The following SOWAHB variants were observed in gnomAD, a reference collection of about 807,000 sequenced individuals.
SOWAHB encodes the protein sosondowah ankyrin repeat domain family member B.
A neutral mutation model predicts 18.3 loss-of-function variants in SOWAHB; 17 were observed. The ratio of observed to expected loss-of-function variants is 0.93; its 90% confidence interval spans 0.64 to 1.40. SOWAHB has a LOEUF of 1.40. SOWAHB is among the 40% of genes most tolerant of loss of function. The pLI is 0.00. For synonymous variants in SOWAHB, 496 were observed against 448.1 expected (o/e 1.11, Z -1.35); for missense variants, 1,126 against 1,033.7 (o/e 1.09, Z -1.22).
Position 76,895,773 on chromosome 4 carries a change from AC to A in SOWAHB, c.2076del (p.Arg692SerfsTer6). 1 of 1,614,182 alleles carries A rather than the reference AC, an allele frequency of 6.2e-7. No individual in the cohort carries two copies. The highest frequency in any genetic ancestry group is 8.5e-7 in the Non-Finnish European group (1 of 1,180,034). On this transcript the variant is annotated frameshift_variant, in exon 1 of 1. Transcript: ENST00000334306. LOFTEE classifies it high-confidence loss of function. ...TCCCTGACATTTACCCGAGAAGCCAACCTTTGCACTAGCAATTTGATGACCC... is the reference window on the plus strand; with the variant it reads ...TCCCTGACATTTACCCGAGAAGCCAACTTTGCACTAGCAATTTGATGACCC... ...HQGVIKLLVQ[R>X]LASRVNVRDS...
In SOWAHB at chr4:76,896,697, T is replaced by C. The variant is rs754688189; in HGVS notation, c.1153A>G (p.Ile385Val). ...TCTTGGAGGGACAGCTGACAACGAA[T>C]GCTGCGAAAGACAGTCAATGAAGGG... The part of the protein sequence containing the change: ...GNPSLTVFRS[I>V]RCQLSLQDLD... The change falls in exon 1 of 1, where the codon ATT becomes GTT. Residue 385 changes from isoleucine to valine, a missense_variant. Transcript: ENST00000334306. 1.9e-6 allele frequency: 3 copies of C among 1,613,892 alleles called. No homozygotes were observed. Among genetic ancestry groups the C allele is most frequent in the Admixed American group, 3.3e-5 (2 of 60,008 alleles).
chr4:76,897,395 T>A lies in SOWAHB; in HGVS notation c.455A>T (p.Asp152Val), dbSNP rs2703129. ...GCCCTTCCCGGGCGCCCTACGGGAG[T>A]CGCTGCCCGGGAGTCCATTGCAAGC... ...DAACNGLPGS[D>V]SRRAPGKGGG... Residue 152 changes from aspartate to valine, a missense_variant, in exon 1 of 1, where the codon GAC becomes GTC. By Grantham distance (152) the Asp-to-Val change is radical. Coordinates refer to ENST00000334306, the MANE Select transcript of SOWAHB (RefSeq NM_001029870.3). The surrounding 1 kb of genome is among the most constrained non-coding windows in gnomAD (Gnocchi z 6.4). 2.6e-6 allele frequency: 4 copies of A among 1,523,996 alleles called. No individual in the cohort carries two copies. The highest frequency in any genetic ancestry group is 3.5e-6 in the Non-Finnish European group (4 of 1,142,662). The allele number at this position is 1,523,996 out of a possible 1,614,324, so 94.4% of individuals were successfully genotyped here.
chr4:76,897,074 G>A lies in SOWAHB; in HGVS notation c.776C>T (p.Pro259Leu), dbSNP rs576706534. The A allele has an allele frequency of 6.5e-7, 1 of 1,538,160 alleles. No individual in the cohort carries two copies. Among genetic ancestry groups the A allele is most frequent in the East Asian group, 2.4e-5 (1 of 41,196 alleles). ...PAPVPAVAHS[P>L]PATVEAATSR... ...TGTCGCAGCCTCGACGGTGGCGGGAGGCGAGTGAGCCACTGCAGGCACAGG... is the reference window on the plus strand; with the variant it reads ...TGTCGCAGCCTCGACGGTGGCGGGAAGCGAGTGAGCCACTGCAGGCACAGG... Residue 259 changes from proline to leucine, a missense_variant, in exon 1 of 1, where the codon CCT becomes CTT. By Grantham distance (98) the Pro-to-Leu change is moderately conservative. Coordinates refer to ENST00000334306, the MANE Select transcript of SOWAHB (RefSeq NM_001029870.3). This position sits in a 1 kb window ranked among gnomAD's most constrained non-coding sequence, Gnocchi z 6.4.
chr4:76,897,949 G>C lies in SOWAHB; in HGVS notation c.-100C>G. ...GGCCGGGCGAGTGTCACCTGCGCCC[G>C]GGGCGGCACTAGCCGCCCCCATCAG... On this transcript the variant is annotated 5_prime_UTR_variant, in exon 1 of 1. Coordinates refer to ENST00000334306, the MANE Select transcript of SOWAHB (RefSeq NM_001029870.3). This position sits in a 1 kb window ranked among gnomAD's most constrained non-coding sequence, Gnocchi z 6.4. The C allele has an allele frequency of 1.6e-6, 2 of 1,288,590 alleles. No individual in the cohort carries two copies. The highest frequency in any genetic ancestry group is 1.0e-6 in the Non-Finnish European group (1 of 958,672). The allele number at this position is 1,288,590 out of a possible 1,614,324, so 79.8% of individuals were successfully genotyped here. A position where few individuals can be genotyped will look rare whatever the true frequency, so the allele number is the denominator to read the frequency against.
Position 76,895,706 on chromosome 4 carries a change from G to A in SOWAHB, c.2144C>T (p.Thr715Ile), listed in dbSNP as rs770452590. Reference sequence around the variant, plus strand: ...CAACAGCTGCCATATTTCCCCAGAGGTATTACTGGTTAGATACTGCCATGG... The same window carrying A: ...CAACAGCTGCCATATTTCCCCAGAGATATTACTGGTTAGATACTGCCATGG... ...KKPWQYLTSN[T>I]SGEIWQLLGA... Residue 715 changes from threonine (T) to isoleucine (I), a missense_variant, in exon 1 of 1, where the codon ACC becomes ATC. By Grantham distance (89) the Thr-to-Ile change is moderately conservative (BLOSUM62 -1). Coordinates refer to ENST00000334306, the MANE Select transcript of SOWAHB (RefSeq NM_001029870.3). 10 of 1,614,108 alleles carry A rather than the reference G, an allele frequency of 6.2e-6. No homozygotes were observed. The Admixed American group carries it at 6.7e-5, about 11-fold the overall frequency.
Position 76,895,198 on chromosome 4 carries a change from T to C in SOWAHB, c.*270A>G, listed in dbSNP as rs1719879684. ...TGGCTTACTGTGCCCAGCTCCATGG[T>C]GGCAAGGGAAGAGGAAGAATGCCTC... On this transcript the variant is annotated 3_prime_UTR_variant, in exon 1 of 1. Transcript: ENST00000334306. 2.8e-6 allele frequency: 1 copy of C among 358,164 alleles called. No individual in the cohort carries two copies. Among genetic ancestry groups the C allele is most frequent in the Non-Finnish European group, 5.0e-6 (1 of 198,616 alleles). The allele number at this position is 358,164 out of a possible 1,614,324, so 22.2% of individuals were successfully genotyped here. A position where few individuals can be genotyped will look rare whatever the true frequency, so the allele number is the denominator to read the frequency against.
chr4:76,897,493 C>T lies in SOWAHB; in HGVS notation c.357G>A (p.Gln119=). The T allele has an allele frequency of 6.8e-7, 1 of 1,471,604 alleles. No homozygotes were observed. Among genetic ancestry groups the T allele is most frequent in the Non-Finnish European group, 8.9e-7 (1 of 1,119,020 alleles). The allele number at this position is 1,471,604 out of a possible 1,614,324, so 91.2% of individuals were successfully genotyped here. The change falls in exon 1 of 1, where the codon CAG becomes CAA. Residue 119 remains glutamine (Q), a synonymous_variant. Transcript: ENST00000334306. This position sits in a 1 kb window ranked among gnomAD's most constrained non-coding sequence, Gnocchi z 6.4. ...CCTTCTCGCGCCGCCGCCGCCTGGGCTGCTGCTGGGGCGGCTCCCCCCGGC... is the reference window on the plus strand; with the variant it reads ...CCTTCTCGCGCCGCCGCCGCCTGGGTTGCTGCTGGGGCGGCTCCCCCCGGC... ...GARRGEPPQQ[Q]PRRRRREKEP...
chr4:76,897,506 G>T lies in SOWAHB; in HGVS notation c.344C>A (p.Pro115Gln). 1 of 1,427,506 alleles carries T rather than the reference G, an allele frequency of 7.0e-7. No individual in the cohort carries two copies. Among genetic ancestry groups the T allele is most frequent in the Admixed American group, 3.1e-5 (1 of 32,188 alleles). 88.4% of individuals were successfully genotyped at this position (1,427,506 alleles called of 1,614,324 possible). Reference sequence around the variant, plus strand: ...CCGCCGCCTGGGCTGCTGCTGGGGCGGCTCCCCCCGGCGCGCGCCTCGCGG... The same window carrying T: ...CCGCCGCCTGGGCTGCTGCTGGGGCTGCTCCCCCCGGCGCGCGCCTCGCGG... ...CSPRGARRGE[P>Q]PQQQPRRRRR... is the part of the protein sequence containing the mutation. Residue 115 changes from proline (P) to glutamine (Q), a missense_variant, in exon 1 of 1, where the codon CCG becomes CAG. Pro to Gln is a moderately conservative substitution (Grantham distance 76). Transcript: ENST00000334306. The surrounding 1 kb of genome is among the most constrained non-coding windows in gnomAD (Gnocchi z 6.4).
At position 76,897,128 on chromosome 4, in the gene SOWAHB, C is replaced by A. The variant is rs554299923; in HGVS notation, c.722G>T (p.Arg241Leu). 9.7e-6 allele frequency: 15 copies of A among 1,541,456 alleles called. No homozygotes were observed. Among genetic ancestry groups the A allele is most frequent in the Non-Finnish European group, 1.2e-5 (14 of 1,149,826 alleles). The change falls in exon 1 of 1, where the codon CGG becomes CTG. Residue 241 changes from arginine (R) to leucine (L), a missense_variant. Transcript: ENST00000334306. The surrounding 1 kb of genome is among the most constrained non-coding windows in gnomAD (Gnocchi z 6.4). ...CGGCTCAGCTAGCGCGCCTTCTTCC[C>A]GCTCCCTGGAAGCCCCGCGGTCATC... ...AQDDRGASRE[R>L]EEGALAEPAP... is the part of the protein sequence containing the mutation.
rs1560661112 is a variant in SOWAHB at position 76,895,717 on chromosome 4, T to G, written c.2133A>C (p.Leu711=). The G allele has an allele frequency of 2.5e-6, 4 of 1,614,254 alleles. No homozygotes were observed. The highest frequency in any genetic ancestry group is 1.7e-6 in the Non-Finnish European group (2 of 1,180,048). The change falls in exon 1 of 1, where the codon CTA becomes CTC. Residue 711 remains leucine (L), a synonymous_variant. Coordinates refer to ENST00000334306, the MANE Select transcript of SOWAHB (RefSeq NM_001029870.3). Reference sequence around the variant, plus strand: ...ATATTTCCCCAGAGGTATTACTGGTTAGATACTGCCATGGCTTCTTCCCAC... The same window carrying G: ...ATATTTCCCCAGAGGTATTACTGGTGAGATACTGCCATGGCTTCTTCCCAC... ...DSSGKKPWQY[L]TSNTSGEIWQ...
Position 76,895,188 on chromosome 4 carries a change from A to C in SOWAHB, c.*280T>G. The C allele has an allele frequency of 3.0e-6, 1 of 337,858 alleles. No individual in the cohort carries two copies. The allele number at this position is 337,858 out of a possible 1,614,324, so 20.9% of individuals were successfully genotyped here. On this transcript the variant is annotated 3_prime_UTR_variant, in exon 1 of 1. Coordinates refer to ENST00000334306, the MANE Select transcript of SOWAHB (RefSeq NM_001029870.3). ...GGAAACAATATGGCTTACTGTGCCCAGCTCCATGGTGGCAAGGGAAGAGGA... is the reference window on the plus strand; with the variant it reads ...GGAAACAATATGGCTTACTGTGCCCCGCTCCATGGTGGCAAGGGAAGAGGA...
rs769480463 is a variant in SOWAHB at position 76,896,853 on chromosome 4, CT to C, written c.996del (p.Asp333ThrfsTer47). 59 of 1,613,744 alleles carry C rather than the reference CT, an allele frequency of 3.7e-5. No individual in the cohort carries two copies. The highest frequency in any genetic ancestry group is 1.6e-4 in the Middle Eastern group (1 of 6,062). ...QGPIRAWSVL[P>X]DNFLQLPLEP... ...TCCAAGGGCAGCTGGAGGAAGTTGT[CT>C]GGCAGCACCGACCAGGCGCGGATAG... On this transcript the variant is annotated frameshift_variant, in exon 1 of 1. Coordinates refer to ENST00000334306, the MANE Select transcript of SOWAHB (RefSeq NM_001029870.3). LOFTEE classifies it low-confidence loss of function (END_TRUNC).
rs1050905246 is a variant in SOWAHB, at chr4:76,897,305, T to C, written c.545A>G (p.Gln182Arg). ...PVPAAAAAGA[Q>R]ARASCAAAKT... ...CGCCGCCGCGCAGCTCGCTCTCGCC[T>C]GGGCCCCTGCCGCTGCAGCTGCGGG... is the stretch of plus-strand genomic sequence containing the variant. The change falls in exon 1 of 1, where the codon CAG becomes CGG. Residue 182 changes from glutamine to arginine, a missense_variant. By Grantham distance (43) the Gln-to-Arg change is conservative. Coordinates refer to ENST00000334306, the MANE Select transcript of SOWAHB (RefSeq NM_001029870.3). This position sits in a 1 kb window ranked among gnomAD's most constrained non-coding sequence, Gnocchi z 6.4. 1.3e-6 allele frequency: 2 copies of C among 1,539,590 alleles called. No individual in the cohort carries two copies. Among genetic ancestry groups the C allele is most frequent in the African/African-American group, 1.4e-5 (1 of 73,018 alleles).
In SOWAHB at chr4:76,897,667, C is replaced by T. The variant is rs1347781501; in HGVS notation, c.183G>A (p.Val61=). The T allele has an allele frequency of 6.2e-7, 1 of 1,612,382 alleles. No homozygotes were observed. Among genetic ancestry groups the T allele is most frequent in the South Asian group, 1.1e-5 (1 of 91,080 alleles). Residue 61 remains valine, a synonymous_variant, in exon 1 of 1, where the codon GTG becomes GTA. Coordinates refer to ENST00000334306, the MANE Select transcript of SOWAHB (RefSeq NM_001029870.3). This position sits in a 1 kb window ranked among gnomAD's most constrained non-coding sequence, Gnocchi z 6.4. ...ACTTGGTGCCGTCGGGGTCCTGGCG[C>T]ACTGCGGCGACCGAGTTGACGAAGC... is the stretch of plus-strand genomic sequence containing the variant. ...FKGFVNSVAA[V]RQDPDGTKYV... is the part of the protein sequence containing the mutation.
chr4:76,896,256 G>T lies in SOWAHB; in HGVS notation c.1594C>A (p.Pro532Thr). 1 of 1,600,576 alleles carries T rather than the reference G, an allele frequency of 6.2e-7. No individual in the cohort carries two copies. The highest frequency in any genetic ancestry group is 2.2e-5 in the East Asian group (1 of 44,546). ...RSRRPPRSRK[P>T]SKAGTAPSPR... is the part of the protein sequence containing the mutation. ...CTGGGTGCCGTTCCTGCCTTGGAGG[G>T]CTTCCTGGATCGAGGTGGGCGCCGA... Residue 532 changes from proline (P) to threonine (T), a missense_variant, in exon 1 of 1, where the codon CCC (proline) becomes ACC (threonine). Physicochemically the swap from Pro to Thr is conservative, Grantham distance 38. Transcript: ENST00000334306.
At position 76,896,677 on chromosome 4, in the gene SOWAHB, G is replaced by C; in HGVS notation, c.1173C>G (p.Leu391=). The C allele has an allele frequency of 1.9e-6, 3 of 1,614,070 alleles. No individual in the cohort carries two copies. Among genetic ancestry groups the C allele is most frequent in the Non-Finnish European group, 2.5e-6 (3 of 1,180,048 alleles). Residue 391 remains leucine (L), a synonymous_variant, in exon 1 of 1, where the codon CTC becomes CTG. Coordinates refer to ENST00000334306, the MANE Select transcript of SOWAHB (RefSeq NM_001029870.3). ...GGTCCACAAAGTCATCCAGATCTTG[G>C]AGGGACAGCTGACAACGAATGCTGC... The part of the protein sequence containing the change: ...VFRSIRCQLS[L]QDLDDFVDQE...
In SOWAHB at chr4:76,897,441, C is replaced by T. The variant is rs1386156628; in HGVS notation, c.409G>A (p.Ala137Thr). Reference protein sequence around the residue: ...KEPEEEPAGAAARAADAACNG... With the variant: ...KEPEEEPAGATARAADAACNG... ...CAAGCTGCGTCGGCGGCTCTGGCTG[C>T]TGCACCTGCTGGCTCCTCCTCCGGC... is the stretch of plus-strand genomic sequence containing the variant. The change falls in exon 1 of 1, where the codon GCA becomes ACA. Residue 137 changes from alanine to threonine, a missense_variant. Ala to Thr is a moderately conservative substitution (Grantham distance 58). Transcript: ENST00000334306. This position sits in a 1 kb window ranked among gnomAD's most constrained non-coding sequence, Gnocchi z 6.4. 6.6e-7 allele frequency: 1 copy of T among 1,510,438 alleles called. No individual in the cohort carries two copies. Among genetic ancestry groups the T allele is most frequent in the East Asian group, 2.7e-5 (1 of 36,682 alleles). The allele number at this position is 1,510,438 out of a possible 1,614,324, so 93.6% of individuals were successfully genotyped here. A position where few individuals can be genotyped will look rare whatever the true frequency, so the allele number is the denominator to read the frequency against.
chr4:76,897,370 G>T lies in SOWAHB; in HGVS notation c.480C>A (p.Gly160=). 2 of 1,529,286 alleles carry T rather than the reference G, an allele frequency of 1.3e-6. No homozygotes were observed. Among genetic ancestry groups the T allele is most frequent in the Admixed American group, 2.0e-5 (1 of 50,996 alleles). 94.7% of individuals were successfully genotyped at this position (1,529,286 alleles called of 1,614,324 possible). ...GTCCGGGACTGCCCTTCGATCCGCC[G>T]CCCTTCCCGGGCGCCCTACGGGAGT... ...GSDSRRAPGK[G]GGSKGSPGQR... is the part of the protein sequence containing the mutation. Residue 160 remains glycine, a synonymous_variant, in exon 1 of 1, where the codon GGC becomes GGA. Coordinates refer to ENST00000334306, the MANE Select transcript of SOWAHB (RefSeq NM_001029870.3). This position sits in a 1 kb window ranked among gnomAD's most constrained non-coding sequence, Gnocchi z 6.4.
At position 76,897,249 on chromosome 4, in the gene SOWAHB, G is replaced by C; in HGVS notation, c.601C>G (p.Leu201Val). Residue 201 changes from leucine to valine, a missense_variant, in exon 1 of 1, where the codon CTC (leucine) becomes GTC (valine). Transcript: ENST00000334306. This position sits in a 1 kb window ranked among gnomAD's most constrained non-coding sequence, Gnocchi z 6.4. The stretch of plus-strand genomic sequence containing the variant: ...GGCAGTACAGCCAGGTTGTTCTGGA[G>C]GCATTCCCAGCAGCAGCGGCCCTGC... ...KTQGRCCWEC[L>V]QNNLAVLPGE... The C allele has an allele frequency of 1.3e-6, 2 of 1,575,252 alleles. No homozygotes were observed. Among genetic ancestry groups the C allele is most frequent in the Non-Finnish European group, 1.7e-6 (2 of 1,168,714 alleles).
Sources: allele counts gnomAD v4.1 joint callset, GRCh38; gene constraint gnomAD v4.1.1; non-coding constraint Gnocchi (gnomAD v3.1); transcripts MANE v1.5; gene names NCBI Gene and HGNC (gene_info 2026-07-23, HGNC 2026-07-21).